Variants in PTPRD observed in about 807,000 individuals in gnomAD.
PTPRD encodes receptor-type tyrosine-protein phosphatase delta.
In PTPRD, 34 loss-of-function variants were observed where a neutral mutation model predicts 214.5. The observed-to-expected ratio is 0.16, with a 90% CI of 0.12 to 0.21. PTPRD has a LOEUF of 0.21. PTPRD is among the 10% of genes least tolerant of loss of function. The pLI, the probability that PTPRD is intolerant of heterozygous loss-of-function variation, is 1.00. For missense variants in PTPRD, 2,545 were observed against 2,398.7 expected, an observed-to-expected ratio of 1.06 and a Z score of -1.27; for synonymous variants, 1,128 against 845.7, an observed-to-expected ratio of 1.33 and a Z score of -5.79.
At chr9:9,600,680 C>T (rs1415617922) in intron 7 of PTPRD, among the ~76,000 whole-genome samples, 1 of 152,038 alleles carries the variant, frequency 6.6e-6, no homozygotes, top group African/African-American at 2.4e-5. Flanking sequence ...TCTTTCTTCT[C>T]TGATTATTCT....
intron 10 of PTPRD, among the ~76,000 whole-genome samples, chr9:9,054,582 G>A (rs1266149744): frequency 1.3e-5 from 2 of 152,184 alleles, no homozygotes; most frequent in African/African-American, 4.8e-5. Flanking sequence ...CCAAGGGTGT[G>A]AGGGTCAATT....
chr9:9,454,886 G>T (rs565306255), intron 8 of PTPRD, among the ~76,000 whole-genome samples: 16 of 150,686 alleles, frequency 1.1e-4, no homozygotes, highest in Non-Finnish European at 2.1e-4. Context: ...ATGATTACTG[G>T]TTATTAAATG....
intron 7 of PTPRD, among the ~76,000 whole-genome samples, chr9:9,590,063 A>T (rs1038853149): frequency 2.0e-5 from 3 of 152,092 alleles, no homozygotes; most frequent in Admixed American, 2.0e-4. Context: ...AAAGAGTACA[A>T]ACATTTATAA....
intron 2 of PTPRD, among the ~76,000 whole-genome samples, chr9:10,503,477 G>C (rs1449854560): frequency 1.3e-5 from 2 of 151,854 alleles, no homozygotes; most frequent in African/African-American, 4.8e-5. Context: ...ATTTCTAATA[G>C]TACCTAAAGG....
Position 10,612,698 on chromosome 9 carries a change from C to T in PTPRD, c.-718G>A, listed in dbSNP as rs886264475. On this transcript the variant is annotated 5_prime_UTR_variant, in exon 1 of 46. Coordinates refer to ENST00000381196, the MANE Select transcript of PTPRD (RefSeq NM_002839.4). ...CTGAAGGCAAAGTACCTGCACTCTC[C>T]CCGCCGAGGCTGGCTGGCGGCGCCG... The T allele has an allele frequency of 6.6e-6, 1 of 152,456 alleles. No homozygotes were observed. The highest frequency in any genetic ancestry group is 1.5e-5 in the Non-Finnish European group (1 of 68,276). 9.4% of individuals were successfully genotyped at this position (152,456 alleles called of 1,614,324 possible).
intron 3 of PTPRD, among the ~76,000 whole-genome samples, chr9:10,184,443 T>A (rs1364430392): frequency 6.6e-6 from 1 of 151,840 alleles, no homozygotes; most frequent in Non-Finnish European, 1.5e-5. Context: ...AATAAATAAA[T>A]AAATAATAAA....
intron 14 of PTPRD, among the ~76,000 whole-genome samples, chr9:8,580,691 T>C (rs1008346168): frequency 3.9e-5 from 6 of 152,202 alleles, no homozygotes; most frequent in Admixed American, 3.3e-4. Context: ...GAATAGCTAA[T>C]TGGTGGTAGG....
chr9:9,970,576 C>A (rs922663361), intron 4 of PTPRD, among the ~76,000 whole-genome samples: 4 of 152,082 alleles, frequency 2.6e-5, no homozygotes, highest in African/African-American at 9.7e-5. Flanking sequence ...GTCCTCCTCC[C>A]CCCACACAGG....
Position 10,260,488 on chromosome 9 carries a change from C to T in PTPRD, c.-545+80475G>A, listed in dbSNP as rs1263594627. ...CAAGTCAACATTTTACGCATTCCAA[C>T]TAAGATGTATTTCTCCCTCAAACCT... On this transcript the variant is annotated intron_variant, in intron 3 of 45. Transcript: ENST00000381196. 2.0e-5 allele frequency among the ~76,000 whole-genome samples: 3 copies of T among 152,270 alleles called. No homozygotes were observed. In the South Asian group the frequency reaches 6.2e-4, roughly 32 times the overall value.
At chr9:9,472,364 C>T (rs1241532761) in intron 8 of PTPRD, among the ~76,000 whole-genome samples, 3 of 151,458 alleles carry the variant, frequency 2.0e-5, no homozygotes, top group Non-Finnish European at 4.4e-5. Context: ...CCACCGCGCC[C>T]GGCTAATTTT....
At chr9:9,637,552 GGGGTGGATGTGGTT>G (rs1226172982) in intron 7 of PTPRD, among the ~76,000 whole-genome samples, 1 of 152,186 alleles carries the variant, frequency 6.6e-6, no homozygotes, top group Non-Finnish European at 1.5e-5. Flanking sequence ...CTGGTACACT[GGGGTGGATGTGGTT>G]CCCCTAATGC....
intron 5 of PTPRD, among the ~76,000 whole-genome samples, chr9:9,898,845 T>G (rs1436229847): frequency 1.3e-5 from 2 of 152,094 alleles, no homozygotes; most frequent in Non-Finnish European, 2.9e-5. Context: ...GTCTGTATAC[T>G]AAACCCACAG....
Position 9,360,954 on chromosome 9 carries a change from G to A in PTPRD, c.-203+36495C>T, listed in dbSNP as rs553261730. On this transcript the variant is annotated intron_variant, in intron 9 of 45. Transcript: ENST00000381196. ...AAATTACCTTAAATTCTACTAAAACGATGTAAAAAGAAAGAACTGCAGTGC... is the reference window on the plus strand; with the variant it reads ...AAATTACCTTAAATTCTACTAAAACAATGTAAAAAGAAAGAACTGCAGTGC... Among the ~76,000 whole-genome samples, 339 of 151,136 alleles carry A rather than the reference G, an allele frequency of 2.2e-3. 2 individuals are homozygous for A. The highest frequency in any genetic ancestry group is 5.2e-3 in the South Asian group (25 of 4,818).
In PTPRD at chr9:9,355,702, G is replaced by A. The variant is rs539336962; in HGVS notation, c.-203+41747C>T. ...TGGAGATGTAAATTGGAAGTCACAG[G>A]TATACAGAAGGTGTTTGAAAGCCAT... On this transcript the variant is annotated intron_variant, in intron 9 of 45. Coordinates refer to ENST00000381196, the MANE Select transcript of PTPRD (RefSeq NM_002839.4). Among the ~76,000 whole-genome samples, 11 of 151,634 alleles carry A rather than the reference G, an allele frequency of 7.3e-5. No homozygotes were observed. In the South Asian group the frequency reaches 8.3e-4, roughly 11 times the overall value.
At chr9:8,679,556 T>G (rs1466049586) in intron 12 of PTPRD, among the ~76,000 whole-genome samples, 2 of 152,222 alleles carry the variant, frequency 1.3e-5, no homozygotes, top group African/African-American at 4.8e-5. Context: ...CCTGAGGCAA[T>G]GTTGCTTTCA....
intron 3 of PTPRD, among the ~76,000 whole-genome samples, chr9:10,317,356 T>C (rs990529402): frequency 6.6e-6 from 1 of 152,002 alleles, no homozygotes; most frequent in Non-Finnish European, 1.5e-5. Flanking sequence ...TACTAAAATA[T>C]TTCAATTTTA....
At chr9:9,325,618 T>C (rs1326865432) in intron 9 of PTPRD, among the ~76,000 whole-genome samples, 1 of 152,176 alleles carries the variant, frequency 6.6e-6, no homozygotes, top group Non-Finnish European at 1.5e-5. Context: ...TTTCTAGATA[T>C]ACAATCATGT....
At chr9:10,261,436 A>G (rs1233907070) in intron 3 of PTPRD, among the ~76,000 whole-genome samples, 2 of 152,140 alleles carry the variant, frequency 1.3e-5, no homozygotes, top group Non-Finnish European at 2.9e-5. Context: ...AAAATCAGAC[A>G]TAGATACAGA....
intron 9 of PTPRD, among the ~76,000 whole-genome samples, chr9:9,305,425 C>T (rs1178230361): frequency 1.3e-5 from 2 of 152,032 alleles, no homozygotes; most frequent in Admixed American, 6.6e-5. Flanking sequence ...AATTGGAATA[C>T]AGATGTTATT....
Sources: gnomAD v4.1 joint callset for allele counts (sites outside exome capture counted in the v4.1 genomes callset) on GRCh38, gnomAD v4.1.1 for gene constraint, MANE v1.5 for transcripts, NCBI Gene and HGNC (gene_info 2026-07-23, HGNC 2026-07-21) for gene names.